ELK3: variants seen among roughly 807,000 people sequenced by gnomAD.
ELK3 encodes the protein ETS transcription factor ELK3, also known as ETS domain-containing protein Elk-3.
In ELK3, 10 loss-of-function variants were observed where a neutral mutation model predicts 28.9. That is an observed-to-expected ratio of 0.35 (90% confidence interval 0.21 to 0.59). The LOEUF is 0.59. Ranked by LOEUF, ELK3 falls within the 20% of genes least tolerant of loss-of-function variation. The pLI is 0.82. For missense variants in ELK3, 463 were observed against 517.3 expected (o/e 0.90, Z 1.02); for synonymous variants, 272 against 243.5 (o/e 1.12, Z -1.09).
intron 2 of ELK3, 66 bp from the exon 3 acceptor site, chr12:96,246,874 A>G: frequency 6.7e-7 from 1 of 1,481,990 alleles, no homozygotes. Context: ...ATTTACCATT[A>G]TCATGAGCTC....
intron 2 of ELK3, among the ~76,000 whole-genome samples, chr12:96,232,470 C>T (rs1033456854): frequency 6.6e-6 from 1 of 151,728 alleles, no homozygotes; most frequent in Non-Finnish European, 1.5e-5. Flanking sequence ...ACTCGGGAGG[C>T]TGAGGCAGGA....
chr12:96,243,169 A>G (rs1054273022), intron 2 of ELK3, among the ~76,000 whole-genome samples: 3 of 152,230 alleles, frequency 2.0e-5, no homozygotes, highest in Non-Finnish European at 2.9e-5. Context: ...CTTCATTAAG[A>G]TAAAATTCAC....
chr12:96,195,716 A>G (rs922251087), intron 1 of ELK3, among the ~76,000 whole-genome samples: 2 of 152,160 alleles, frequency 1.3e-5, no homozygotes, highest in African/African-American at 4.8e-5. Flanking sequence ...CGGCAAGACT[A>G]ATTGCCATGC....
At chr12:96,256,158 A>G (rs1248992620) in intron 3 of ELK3, among the ~76,000 whole-genome samples, 1 of 152,164 alleles carries the variant, frequency 6.6e-6, no homozygotes, top group Non-Finnish European at 1.5e-5. Context: ...CTGTTGTGGA[A>G]TGCCATCTGT....
intron 2 of ELK3, among the ~76,000 whole-genome samples, chr12:96,243,721 G>A (rs1951837241): frequency 6.6e-6 from 1 of 152,086 alleles, no homozygotes; most frequent in African/African-American, 2.4e-5. Context: ...GCGGGCGCCT[G>A]TAGTCCCAGC....
chr12:96,245,590 G>C (rs1449393066), intron 2 of ELK3, among the ~76,000 whole-genome samples: 1 of 151,966 alleles, frequency 6.6e-6, no homozygotes, highest in Admixed American at 6.6e-5. Flanking sequence ...CTCATACCCT[G>C]GTTTTAGGTG....
intron 2 of ELK3, among the ~76,000 whole-genome samples, chr12:96,230,389 T>C (rs1385898338): frequency 6.6e-6 from 1 of 152,314 alleles, no homozygotes; most frequent in Non-Finnish European, 1.5e-5. Flanking sequence ...GCTTTTTGTT[T>C]AGATTTTTAA....
chr12:96,230,131 T>G (rs1951730387), intron 2 of ELK3, among the ~76,000 whole-genome samples: 1 of 152,202 alleles, frequency 6.6e-6, no homozygotes, highest in South Asian at 2.1e-4. Context: ...TTAGATACGT[T>G]GAGATACATA....
chr12:96,221,680 G>A (rs1167675618), intron 1 of ELK3, among the ~76,000 whole-genome samples: 1 of 152,208 alleles, frequency 6.6e-6, no homozygotes, highest in East Asian at 1.9e-4. Flanking sequence ...GAGGAGTTGG[G>A]ACTCGTCAGC....
In ELK3 at chr12:96,267,196, A is replaced by G. The variant is rs1408093604; in HGVS notation, c.*16A>G. ...GAAATCCTGATGACGTCTGGCCACA[A>G]TTAAGGACTCATTAACTGATGAAAC... On this transcript the variant is annotated 3_prime_UTR_variant, in exon 5 of 5. Transcript: ENST00000228741. The G allele has an allele frequency of 2.5e-6, 4 of 1,606,500 alleles. No homozygotes were observed. Among genetic ancestry groups the G allele is most frequent in the East Asian group, 4.5e-5 (2 of 44,792 alleles).
chr12:96,207,985 A>G (rs770012396), intron 1 of ELK3, among the ~76,000 whole-genome samples: 29 of 152,174 alleles, frequency 1.9e-4, no homozygotes, highest in Non-Finnish European at 4.1e-4. Context: ...AAATAGTTTC[A>G]GTGGATTTAC....
intron 1 of ELK3, among the ~76,000 whole-genome samples, chr12:96,220,340 G>C (rs1277779070): frequency 6.7e-6 from 1 of 150,058 alleles, no homozygotes; most frequent in Non-Finnish European, 1.5e-5. Context: ...GTAAAAATGT[G>C]ATCAGCCGAT....
At chr12:96,204,013 A>G (rs1951523883) in intron 1 of ELK3, among the ~76,000 whole-genome samples, 1 of 152,220 alleles carries the variant, frequency 6.6e-6, no homozygotes, top group Non-Finnish European at 1.5e-5. Flanking sequence ...TAGACTTGCA[A>G]GAAAAGTGGA....
intron 3 of ELK3, among the ~76,000 whole-genome samples, chr12:96,258,419 G>A (rs1375289351): frequency 1.3e-5 from 2 of 152,216 alleles, no homozygotes; most frequent in Non-Finnish European, 2.9e-5. Context: ...TCTCCATTCT[G>A]CTGAACAGAG....
chr12:96,208,006 G>A (rs1036649669), intron 1 of ELK3, among the ~76,000 whole-genome samples: 1 of 152,186 alleles, frequency 6.6e-6, no homozygotes, highest in African/African-American at 2.4e-5. Flanking sequence ...TCTACGAAGG[G>A]AGAAAGGTAA....
In ELK3 at chr12:96,247,122, A is replaced by G. The variant is rs1951862578; in HGVS notation, c.390A>G (p.Arg130=). Residue 130 remains arginine, a synonymous_variant, in exon 3 of 5, where the codon AGA becomes AGG. Transcript: ENST00000228741. This position sits in a 1 kb window ranked among gnomAD's most constrained non-coding sequence, Gnocchi z 5.5. The stretch of plus-strand genomic sequence containing the variant: ...ACAAACACGGCCTGGCCGCCCTCAG[A>G]AGCACGAGCCGCAACGAATACATCC... The part of the protein sequence containing the change: ...EAHKHGLAAL[R]STSRNEYIHS... 6.2e-7 allele frequency: 1 copy of G among 1,613,250 alleles called. No individual in the cohort carries two copies. Among genetic ancestry groups the G allele is most frequent in the Admixed American group, 1.7e-5 (1 of 59,874 alleles).
intron 2 of ELK3, among the ~76,000 whole-genome samples, chr12:96,244,770 G>C (rs1421961048): frequency 3.9e-5 from 6 of 152,138 alleles, no homozygotes; most frequent in African/African-American, 2.4e-5. Context: ...CTGACCCTGG[G>C]TCAGGTGGGT....
At chr12:96,218,586 A>G (rs1301396512) in intron 1 of ELK3, among the ~76,000 whole-genome samples, 1 of 152,030 alleles carries the variant, frequency 6.6e-6, no homozygotes, top group Non-Finnish European at 1.5e-5. Context: ...CCATGTAACA[A>G]ACATGCATGT....
intron 4 of ELK3, among the ~76,000 whole-genome samples, chr12:96,260,302 ATAT>A (rs1378770260): frequency 5.3e-5 from 8 of 151,364 alleles, no homozygotes; most frequent in South Asian, 2.1e-4. Context: ...ATGAAAATAA[ATAT>A]TATTATTTAT....
Sources: gnomAD v4.1 joint callset for allele counts (sites outside exome capture counted in the v4.1 genomes callset) on GRCh38, gnomAD v4.1.1 for gene constraint, Gnocchi (gnomAD v3.1) non-coding constraint, MANE v1.5 for transcripts, NCBI Gene and HGNC (gene_info 2026-07-23, HGNC 2026-07-21) for gene names.